Variants in SHPRH observed in about 807,000 individuals in gnomAD.
The protein encoded by SHPRH is E3 ubiquitin-protein ligase SHPRH.
In SHPRH, 106 loss-of-function variants were observed where a neutral mutation model predicts 202.5. The ratio of observed to expected loss-of-function variants is 0.52; its 90% CI spans 0.45 to 0.62. SHPRH has a LOEUF of 0.62. SHPRH is among the 20% of genes least tolerant of loss of function. The pLI, the probability that SHPRH is intolerant of heterozygous loss-of-function variation, is 0.00. For synonymous variants in SHPRH, 729 were observed against 686.0 expected (o/e 1.06, Z -0.98); for missense variants, 1,710 against 2,020.0 (o/e 0.85, Z 2.94).
chr6:145,930,215 C>T (rs918115635), intron 14 of SHPRH, among the ~76,000 whole-genome samples: 7 of 152,044 alleles, frequency 4.6e-5, no homozygotes, highest in Admixed American at 6.6e-5. Context: ...CAACTACAGA[C>T]GGGCTACTCA....
chr6:145,867,625 TATATATAGAGAGAGAGAG>T (rs1353054073), intron 2 of SHPRH, among the ~76,000 whole-genome samples: 38 of 63,404 alleles, frequency 6.0e-4, no homozygotes, highest in African/African-American at 3.2e-3. Context: ...TATATATATA[TATATATAGAGAGAGAGAG>T]AGAGAGAGAG....
Position 145,943,506 on chromosome 6 carries a change from T to C in SHPRH, c.1875A>G (p.Gln625=), listed in dbSNP as rs745953661. Residue 625 remains glutamine, a synonymous_variant, in exon 9 of 30, where the codon CAA becomes CAG. Transcript: ENST00000275233. ...SKSTCISEFN[Q]EHETEDCAES... ...CAGCACAGTCCTCTGTTTCATGTTC[T>C]TGGTTGAATTCAGAGATACATGTAC... 3.7e-6 allele frequency: 6 copies of C among 1,614,034 alleles called. No individual in the cohort carries two copies. The Admixed American group carries it at 1.0e-4, about 27-fold the overall frequency.
rs113686932 is a variant in SHPRH at position 145,886,550 on chromosome 6, T to C, written c.*141A>G. On this transcript the variant is annotated 3_prime_UTR_variant, in exon 30 of 30. Transcript: ENST00000275233. Reference sequence around the variant, plus strand: ...GGACTCAATAAGTACTAAGCCACTGTATAACCAGAACAATAAACAAATTCA... The same window carrying C: ...GGACTCAATAAGTACTAAGCCACTGCATAACCAGAACAATAAACAAATTCA... The C allele has an allele frequency of 1.7e-3, 2,507 of 1,450,592 alleles. 34 individuals are homozygous for C. The African/African-American group carries it at 0.03, about 18-fold the overall frequency. The allele number at this position is 1,450,592 out of a possible 1,614,324, so 89.9% of individuals were successfully genotyped here.
rs377137028 is a variant in SHPRH, at chr6:145,921,265, T to C, written c.3910A>G (p.Ile1304Val). The C allele has an allele frequency of 8.5e-5, 137 of 1,612,974 alleles. 2 individuals carry two copies. In the Middle Eastern group the frequency reaches 1.5e-3, roughly 18 times the overall value. The stretch of plus-strand genomic sequence containing the variant: ...CTATGTGATTTTGCAAATGATAGTA[T>C]TGCTTTCATAGATCGCTCTGTCTCA... ...ISETERSMKA[I>V]LSFAKSHRFD... Residue 1304 changes from isoleucine (I) to valine (V), a missense_variant, in exon 21 of 30, where the codon ATA (isoleucine) becomes GTA (valine). Ile to Val is a conservative substitution (Grantham distance 29, BLOSUM62 3). This residue lies in a region of SHPRH where 306 missense variants were observed against 479.5 expected (regional missense o/e 0.64). Coordinates refer to ENST00000275233, the MANE Select transcript of SHPRH (RefSeq NM_001042683.3).
intron 1 of SHPRH, among the ~76,000 whole-genome samples, chr6:145,956,434 C>G (rs552580943): frequency 2.0e-5 from 3 of 152,214 alleles, no homozygotes; most frequent in African/African-American, 7.2e-5. Context: ...GGTTTAGACA[C>G]TGCTCCCACC....
intron 9 of SHPRH, among the ~76,000 whole-genome samples, chr6:145,942,933 A>C (rs1786949790): frequency 6.6e-6 from 1 of 152,178 alleles, no homozygotes; most frequent in Admixed American, 6.6e-5. Context: ...AAAATGCTTT[A>C]ATTGGTGAAA....
At chr6:145,890,646 A>G (rs1183552354) in intron 28 of SHPRH, among the ~76,000 whole-genome samples, 1 of 152,032 alleles carries the variant, frequency 6.6e-6, no homozygotes, top group African/African-American at 2.4e-5. Context: ...CTCTGTCTCT[A>G]TCTAAACTCA....
At position 145,894,193 on chromosome 6, in the gene SHPRH, T is replaced by C; in HGVS notation, c.4652A>G (p.Asn1551Ser). The C allele has an allele frequency of 6.2e-7, 1 of 1,606,230 alleles. No individual in the cohort carries two copies. The highest frequency in any genetic ancestry group is 8.5e-7 in the Non-Finnish European group (1 of 1,176,846). The change falls in exon 27 of 30, where the codon AAC becomes AGC. Residue 1551 changes from asparagine to serine, a missense_variant. Transcript: ENST00000275233. ...LDIISKALTD[N>S]NMEFAQISRV... is the part of the protein sequence containing the mutation. ...ACTGATTTGTGCAAATTCCATGTTGTTGTCAGTAAGAGCTTTTGAAATAAT... is the reference window on the plus strand; with the variant it reads ...ACTGATTTGTGCAAATTCCATGTTGCTGTCAGTAAGAGCTTTTGAAATAAT...
At chr6:145,926,089 A>G in intron 16 of SHPRH, 115 bp downstream of exon 16, 1 of 969,842 alleles carries the variant, frequency 1.0e-6, no homozygotes, top group East Asian at 2.6e-5. Flanking sequence ...TCAAAGTAAC[A>G]GGAAAACATG....
At chr6:145,898,649 A>G (rs1009790504) in intron 25 of SHPRH, among the ~76,000 whole-genome samples, 1 of 152,024 alleles carries the variant, frequency 6.6e-6, no homozygotes, top group Non-Finnish European at 1.5e-5. Context: ...ATTGGCTCCT[A>G]TGAGGGCAGG....
Position 145,919,449 on chromosome 6 carries a change from C to T in SHPRH, c.4051G>A (p.Ala1351Thr), listed in dbSNP as rs768080137. ...YWMALRNRVS[A>T]VDELAMATER... ...GTAGCCATTGCAAGTTCATCAACAG[C>T]AGACACACGATTCCTCAGAGCCATC... Residue 1351 changes from alanine (A) to threonine (T), a missense_variant, in exon 22 of 30, where the codon GCT (alanine) becomes ACT (threonine). Ala to Thr is a moderately conservative substitution (Grantham distance 58). Transcript: ENST00000275233. 1.2e-5 allele frequency: 19 copies of T among 1,612,960 alleles called. No homozygotes were observed. The highest frequency in any genetic ancestry group is 3.3e-5 in the Admixed American group (2 of 59,908).
rs947160048 is a variant in SHPRH, at chr6:145,960,430, G to A, written c.-33+3301C>T. Among the ~76,000 whole-genome samples the A allele has an allele frequency of 5.3e-5, 8 of 152,210 alleles. No homozygotes were observed. The South Asian group carries it at 1.7e-3, about 32-fold the overall frequency. On this transcript the variant is annotated intron_variant, in intron 1 of 29. Coordinates refer to ENST00000275233, the MANE Select transcript of SHPRH (RefSeq NM_001042683.3). ...AGAGGGAGTGTTGGAAGGGAATTGG[G>A]CCAGTTACACAATGTATCACACTAA...
intron 25 of SHPRH, among the ~76,000 whole-genome samples, chr6:145,896,471 AT>A (rs1782018335): frequency 6.6e-6 from 1 of 152,058 alleles, no homozygotes; most frequent in African/African-American, 2.4e-5. Context: ...TGTAGAATAA[AT>A]TTTTTATAAT....
At chr6:145,862,446 CAAA>C (rs1053842941), downstream of SHPRH, among the ~76,000 whole-genome samples, 11 of 111,526 alleles carry the variant, frequency 9.9e-5, no homozygotes, top group South Asian at 3.2e-4. Context: ...AACAAAAAAA[CAAA>C]AACAACAACA....
At chr6:145,872,112 A>G (rs1429106605) in intron 2 of SHPRH, among the ~76,000 whole-genome samples, 2 of 152,176 alleles carry the variant, frequency 1.3e-5, no homozygotes, top group Non-Finnish European at 2.9e-5. Flanking sequence ...AACCTGGGCA[A>G]TACCATTTAG....
rs1194282579 is a variant in SHPRH at position 145,913,346 on chromosome 6, C to CT, written c.4326+131dup. The stretch of plus-strand genomic sequence containing the variant: ...CACGTCACCTAACCTCTAGTGCTAT[C>CT]TTTAAGATAATGGTAATACTTGCCT... On this transcript the variant is annotated intron_variant, in intron 24 of 29. Transcript: ENST00000275233. 9 of 753,674 alleles carry CT rather than the reference C, an allele frequency of 1.2e-5. No individual in the cohort carries two copies. In the African/African-American group the frequency reaches 1.5e-4, roughly 12 times the overall value. The allele number at this position is 753,674 out of a possible 1,614,324, so 46.7% of individuals were successfully genotyped here.
intron 25 of SHPRH, chr6:145,903,686 G>C (rs970025642): frequency 2.0e-5 from 3 of 152,096 alleles, no homozygotes; most frequent in Non-Finnish European, 4.4e-5. Context: ...TCTATGTAGT[G>C]GCTGTATCTA....
At chr6:145,948,185 CAA>C in intron 5 of SHPRH, 85 bp downstream of exon 5, 1 of 979,996 alleles carries the variant, frequency 1.0e-6, no homozygotes, top group Non-Finnish European at 1.5e-6. Flanking sequence ...GAGGTAGAGT[CAA>C]AGTTACAGAT....
intron 2 of SHPRH, among the ~76,000 whole-genome samples, chr6:145,867,175 G>C (rs1779815995): frequency 6.6e-6 from 1 of 151,680 alleles, no homozygotes; most frequent in South Asian, 2.1e-4. Context: ...TCTACTCTTC[G>C]TCACTCTCTG....
Sources: gnomAD v4.1 joint callset for allele counts (sites outside exome capture counted in the v4.1 genomes callset) on GRCh38, gnomAD v4.1.1 for gene constraint, gnomAD v4.1.1 regional missense constraint, MANE v1.5 for transcripts, NCBI Gene and HGNC (gene_info 2026-07-23, HGNC 2026-07-21) for gene names.